Variants in PUM3 observed in about 807,000 individuals in gnomAD.
The protein encoded by PUM3 is pumilio RNA binding family member 3, also known as pumilio homolog 3.
A neutral mutation model predicts 84.0 loss-of-function variants in PUM3; 91 were observed. That is an observed-to-expected ratio of 1.08 (90% CI 0.91 to 1.29). The LOEUF is 1.29. PUM3 is among the 50% of genes most tolerant of loss of function. PUM3 has a pLI of 0.00. For synonymous variants in PUM3, 321 were observed against 266.7 expected, an observed-to-expected ratio of 1.20 and a Z score of -1.98; for missense variants, 1,067 against 767.5, an observed-to-expected ratio of 1.39 and a Z score of -4.61.
intron 13 of PUM3, among the ~76,000 whole-genome samples, chr9:2,815,957 G>A (rs191964244): frequency 1.8e-3 from 269 of 152,290 alleles, no homozygotes; most frequent in Middle Eastern, 6.8e-3. Context: ...ACTGCCTTGC[G>A]CTGAACTCCA....
chr9:2,827,068 C>A lies in PUM3; in HGVS notation c.1035+5G>T, dbSNP rs756466391. On this transcript the variant is annotated splice_donor_5th_base_variant and intron_variant, in intron 10 of 17. Transcript: ENST00000397885. ...TTAGTTTAAAAACAAAAACCAAGAA[C>A]TTACTGATCTGAGTTTGGGGGGTGC... is the stretch of plus-strand genomic sequence containing the variant. 7 of 1,604,776 alleles carry A rather than the reference C, an allele frequency of 4.4e-6. No homozygotes were observed. The highest frequency in any genetic ancestry group is 5.1e-6 in the Non-Finnish European group (6 of 1,176,390).
intron 15 of PUM3, 23 bp from the exon 16 acceptor site, chr9:2,810,454 A>C (rs1178641303): frequency 1.3e-6 from 2 of 1,523,836 alleles, no homozygotes; most frequent in Non-Finnish European, 1.8e-6. Flanking sequence ...AAGAACAGTT[A>C]ATTTTAAAAG....
At chr9:2,822,916 A>G (rs560296377) in intron 12 of PUM3, among the ~76,000 whole-genome samples, 4 of 151,828 alleles carry the variant, frequency 2.6e-5, no homozygotes, top group Admixed American at 1.3e-4. Context: ...ACAATAGTCA[A>G]GTACACAATC....
chr9:2,843,749 T>TAG (rs1816330977), intron 1 of PUM3, among the ~76,000 whole-genome samples: 1 of 151,714 alleles, frequency 6.6e-6, no homozygotes, highest in Non-Finnish European at 1.5e-5. Context: ...CGGCTAATTT[T>TAG]TTGTAGTTTT....
intron 13 of PUM3, among the ~76,000 whole-genome samples, chr9:2,816,583 C>A (rs750419542): frequency 2.0e-5 from 3 of 152,166 alleles, no homozygotes; most frequent in African/African-American, 4.8e-5. Context: ...CTGCCAGGGA[C>A]TGGAGCTGAA....
At chr9:2,826,977 A>G (rs1815838412) in intron 10 of PUM3, 96 bp downstream of exon 10, 1 of 906,880 alleles carries the variant, frequency 1.1e-6, no homozygotes, top group Non-Finnish European at 1.7e-6. Flanking sequence ...GCAACTCTAA[A>G]ATTTCCACAA....
intron 17 of PUM3, among the ~76,000 whole-genome samples, 184 bp downstream of exon 17, chr9:2,807,630 C>G (rs1821286717): frequency 6.9e-6 from 1 of 145,244 alleles, no homozygotes; most frequent in African/African-American, 2.5e-5. Flanking sequence ...AAAAAGATTC[C>G]TAAGGACTGA....
Position 2,837,342 on chromosome 9 carries a change from C to A in PUM3, c.142G>T (p.Val48Phe). The A allele has an allele frequency of 6.2e-7, 1 of 1,614,044 alleles. No homozygotes were observed. The highest frequency in any genetic ancestry group is 8.5e-7 in the Non-Finnish European group (1 of 1,179,930). Residue 48 changes from valine to phenylalanine, a missense_variant, in exon 3 of 18, where the codon GTC becomes TTC. Physicochemically the swap from Val to Phe is conservative, Grantham distance 50. Transcript: ENST00000397885. ...RKVAKEGGPK[V>F]TSRNFEKSIT... ...CTTTTCTCAAAGTTCCTAGATGTGA[C>A]TTTAGGTCCACCTTCTTTAGCAACT... is the stretch of plus-strand genomic sequence containing the variant.
intron 3 of PUM3, among the ~76,000 whole-genome samples, chr9:2,834,694 T>C (rs1172609225): frequency 6.6e-6 from 1 of 152,182 alleles, no homozygotes; most frequent in East Asian, 1.9e-4. Flanking sequence ...AGTTGAGCTC[T>C]CTATCTGAGG....
At chr9:2,820,559 T>A (rs1821568658) in intron 12 of PUM3, among the ~76,000 whole-genome samples, 1 of 151,998 alleles carries the variant, frequency 6.6e-6, no homozygotes, top group African/African-American at 2.4e-5. Flanking sequence ...ACGATATACA[T>A]AATACATGTA....
At chr9:2,808,794 T>G (rs986179797) in intron 16 of PUM3, among the ~76,000 whole-genome samples, 12 of 152,142 alleles carry the variant, frequency 7.9e-5, no homozygotes, top group African/African-American at 2.9e-4. Context: ...CACTCCCCCA[T>G]CTATAGGGGG....
intron 10 of PUM3, among the ~76,000 whole-genome samples, chr9:2,825,609 A>C (rs554887618): frequency 1.3e-5 from 2 of 152,046 alleles, no homozygotes; most frequent in African/African-American, 4.8e-5. Context: ...CAGCCTCCCG[A>C]GTAGCTGGGG....
chr9:2,832,543 G>A (rs1239031593), intron 5 of PUM3, among the ~76,000 whole-genome samples: 2 of 152,170 alleles, frequency 1.3e-5, no homozygotes, highest in East Asian at 3.8e-4. Flanking sequence ...AGCCCAGCCA[G>A]GATTTGAATA....
rs1400804959 is a variant in PUM3 at position 2,811,258 on chromosome 9, G to A, written c.1635+103C>T. On this transcript the variant is annotated intron_variant, in intron 15 of 17. Transcript: ENST00000397885. ...GAGGTTCTTGGTTGTTTATTCAACA[G>A]GTATCTCCCTCCCCAGCTTTCTTAC... 2.5e-5 allele frequency: 21 copies of A among 851,054 alleles called. No individual in the cohort carries two copies. In the Admixed American group the frequency reaches 4.0e-4, roughly 16 times the overall value. 52.7% of individuals were successfully genotyped at this position (851,054 alleles called of 1,614,324 possible). A position where few individuals can be genotyped will look rare whatever the true frequency, so the allele number is the denominator to read the frequency against.
chr9:2,804,825 G>A (rs972282945), intron 17 of PUM3, among the ~76,000 whole-genome samples: 1 of 152,164 alleles, frequency 6.6e-6, no homozygotes, highest in Non-Finnish European at 1.5e-5. Flanking sequence ...AAGCTCAAGA[G>A]CAGGGACCGT....
At chr9:2,812,888 T>A (rs1821400732) in intron 13 of PUM3, among the ~76,000 whole-genome samples, 1 of 152,242 alleles carries the variant, frequency 6.6e-6, no homozygotes, top group Non-Finnish European at 1.5e-5. Context: ...GGCAGTTAAC[T>A]TGCAGCTGCA....
intron 3 of PUM3, among the ~76,000 whole-genome samples, chr9:2,834,878 T>A (rs544631911): frequency 1.3e-5 from 2 of 152,234 alleles, no homozygotes; most frequent in Admixed American, 1.3e-4. Context: ...AACTTACCAA[T>A]TGAACTAATG....
Position 2,811,259 on chromosome 9 carries a change from G to C in PUM3, c.1635+102C>G. ...AGGTTCTTGGTTGTTTATTCAACAGGTATCTCCCTCCCCAGCTTTCTTACT... is the reference window on the plus strand; with the variant it reads ...AGGTTCTTGGTTGTTTATTCAACAGCTATCTCCCTCCCCAGCTTTCTTACT... On this transcript the variant is annotated intron_variant, in intron 15 of 17. Transcript: ENST00000397885. 8.2e-6 allele frequency: 7 copies of C among 857,036 alleles called. No homozygotes were observed. The South Asian group carries it at 1.1e-4, about 13-fold the overall frequency. The allele number at this position is 857,036 out of a possible 1,614,324, so 53.1% of individuals were successfully genotyped here.
intron 1 of PUM3, among the ~76,000 whole-genome samples, chr9:2,839,773 C>T (rs1294024769): frequency 1.3e-5 from 2 of 152,190 alleles, no homozygotes; most frequent in African/African-American, 4.8e-5. Context: ...TCTCTCAGCT[C>T]TTCTACACCT....
Sources: gnomAD v4.1 joint callset for allele counts (sites outside exome capture counted in the v4.1 genomes callset) on GRCh38, gnomAD v4.1.1 for gene constraint, MANE v1.5 for transcripts, NCBI Gene and HGNC (gene_info 2026-07-23, HGNC 2026-07-21) for gene names.